Variants in SLC5A1 observed in about 807,000 individuals in gnomAD.
The protein encoded by SLC5A1 is solute carrier family 5 member 1, also known as sodium/glucose cotransporter 1.
SLC5A1 carries 42 observed loss-of-function variants against 73.5 expected under a neutral mutation model. The observed-to-expected ratio is 0.57, with a 90% CI of 0.45 to 0.74. The LOEUF is 0.74. Among genes scored for constraint, SLC5A1 ranks in the 30% least tolerant of loss-of-function variants. SLC5A1 has a pLI of 0.00. For missense variants in SLC5A1, 634 were observed against 855.4 expected (o/e 0.74, Z 3.23); for synonymous variants, 300 against 317.4 (o/e 0.95, Z 0.58).
At chr22:32,076,091 G>C (rs1029964002) in intron 5 of SLC5A1, among the ~76,000 whole-genome samples, 1 of 152,170 alleles carries the variant, frequency 6.6e-6, no homozygotes, top group Non-Finnish European at 1.5e-5. Context: ...TCCAGAGAGC[G>C]AACAACCAGG....
At chr22:32,107,944 C>T (rs183756927) in intron 14 of SLC5A1, among the ~76,000 whole-genome samples, 62 of 152,166 alleles carry the variant, frequency 4.1e-4, no homozygotes, top group Non-Finnish European at 5.0e-4. Flanking sequence ...CCACCATCAT[C>T]GATAATGATA....
intron 11 of SLC5A1, among the ~76,000 whole-genome samples, chr22:32,092,101 C>T (rs555811809): frequency 6.6e-6 from 1 of 152,250 alleles, no homozygotes; most frequent in South Asian, 2.1e-4. Flanking sequence ...GCCCCCCTCC[C>T]ACCCGTTTCC....
chr22:32,085,923 C>T lies in SLC5A1; in HGVS notation c.1022-297C>T, dbSNP rs892074042. 3.3e-5 allele frequency among the ~76,000 whole-genome samples: 5 copies of T among 152,054 alleles called. 1 individual carries two copies. Among genetic ancestry groups the T allele is most frequent in the Non-Finnish European group, 7.4e-5 (5 of 68,006 alleles). On this transcript the variant is annotated intron_variant, in intron 9 of 14. Transcript: ENST00000266088. Reference sequence around the variant, plus strand: ...TTGGGAGGCTGAGGCGGGTGGATCACGAGGTCAGGAGATCGAGACCATCCT... The same window carrying T: ...TTGGGAGGCTGAGGCGGGTGGATCATGAGGTCAGGAGATCGAGACCATCCT...
At chr22:32,049,132 CATT>C (rs1427121220) in intron 1 of SLC5A1, among the ~76,000 whole-genome samples, 3 of 138,806 alleles carry the variant, frequency 2.2e-5, no homozygotes, top group East Asian at 4.1e-4. Flanking sequence ...TATATATAAT[CATT>C]ATATATATAT....
rs116427127 is a variant in SLC5A1, at chr22:32,104,505, G to A, written c.1666-281G>A. On this transcript the variant is annotated intron_variant, in intron 13 of 14. Coordinates refer to ENST00000266088, the MANE Select transcript of SLC5A1 (RefSeq NM_000343.4). ...AACAAATTATTTATCACACACACAC[G>A]TAAAAGAGTTCATTCAACAAACATT... is the stretch of plus-strand genomic sequence containing the variant. 3.5e-3 allele frequency among the ~76,000 whole-genome samples: 527 copies of A among 152,268 alleles called. 2 individuals carry two copies. The highest frequency in any genetic ancestry group is 0.012 in the African/African-American group (493 of 41,558).
intron 14 of SLC5A1, among the ~76,000 whole-genome samples, chr22:32,108,031 G>A (rs190270115): frequency 1.9e-4 from 29 of 152,104 alleles, no homozygotes; most frequent in Non-Finnish European, 2.8e-4. Flanking sequence ...GGCAGATAAC[G>A]CAAGTACAAT....
At chr22:32,047,116 A>G (rs1053379870) in intron 1 of SLC5A1, among the ~76,000 whole-genome samples, 4 of 152,172 alleles carry the variant, frequency 2.6e-5, no homozygotes, top group African/African-American at 9.7e-5. Flanking sequence ...AGGAGGCTGT[A>G]GGGAAGGAGG....
intron 6 of SLC5A1, 46 bp from the exon 7 acceptor site, chr22:32,083,023 ACAGGT>A: frequency 6.5e-7 from 1 of 1,533,134 alleles, no homozygotes; most frequent in Non-Finnish European, 9.0e-7. Flanking sequence ...AAGCAAGTAG[ACAGGT>A]CACCCTCCAC....
chr22:32,078,730 G>C (rs561531288), intron 5 of SLC5A1, among the ~76,000 whole-genome samples: 4 of 152,028 alleles, frequency 2.6e-5, no homozygotes, highest in Non-Finnish European at 5.9e-5. Context: ...TGAGGTGGGT[G>C]GATCACAAGA....
chr22:32,063,985 G>A (rs2093968027), intron 2 of SLC5A1, among the ~76,000 whole-genome samples: 1 of 152,212 alleles, frequency 6.6e-6, no homozygotes, highest in African/African-American at 2.4e-5. Flanking sequence ...CTTCAGGACA[G>A]CCTGACATTG....
chr22:32,104,764 A>T, intron 13 of SLC5A1, 22 bp from the exon 14 acceptor site: 2 of 1,599,976 alleles, frequency 1.3e-6, no homozygotes, highest in South Asian at 2.2e-5. Flanking sequence ...CTTTCTGTTG[A>T]CCTGTTCTGC....
intron 12 of SLC5A1, 119 bp downstream of exon 12, chr22:32,099,470 TG>T: frequency 9.7e-7 from 1 of 1,026,664 alleles, no homozygotes; most frequent in South Asian, 1.3e-5. Context: ...GACACGGATG[TG>T]CTGCTGAGGG....
At chr22:32,099,500 A>G in intron 12 of SLC5A1, 149 bp downstream of exon 12, 1 of 812,330 alleles carries the variant, frequency 1.2e-6, no homozygotes, top group Non-Finnish European at 2.1e-6. Context: ...GAAAGCCTCC[A>G]GGGACCATGG....
intron 5 of SLC5A1, among the ~76,000 whole-genome samples, chr22:32,071,463 A>G (rs946888002): frequency 2.6e-5 from 4 of 152,062 alleles, no homozygotes; most frequent in Admixed American, 6.5e-5. Context: ...ATAAATAAAT[A>G]AATGAATGAA....
intron 1 of SLC5A1, among the ~76,000 whole-genome samples, chr22:32,049,234 T>TCTATATATA (rs2093942028): frequency 7.1e-6 from 1 of 140,488 alleles, no homozygotes; most frequent in East Asian, 2.1e-4. Context: ...TCTATATATA[T>TCTATATATA]GATGATTCCA....
Position 32,043,712 on chromosome 22 carries a change from G to T in SLC5A1, c.135+296G>T, listed in dbSNP as rs2093933371. Among the ~76,000 whole-genome samples the T allele has an allele frequency of 6.6e-6, 1 of 152,174 alleles. No homozygotes were observed. Among genetic ancestry groups the T allele is most frequent in the Non-Finnish European group, 1.5e-5 (1 of 68,028 alleles). ...AAGAGACCGCTGGAAAGTGTAAGGGGCAGGAAAGCGGCTGCTTAGAGCTAC... is the reference window on the plus strand; with the variant it reads ...AAGAGACCGCTGGAAAGTGTAAGGGTCAGGAAAGCGGCTGCTTAGAGCTAC... On this transcript the variant is annotated intron_variant, in intron 1 of 14. Transcript: ENST00000266088. This position sits in a 1 kb window ranked among gnomAD's most constrained non-coding sequence, Gnocchi z 6.5.
At chr22:32,109,961 T>C (rs202205514) in intron 14 of SLC5A1, 29 bp from the exon 15 acceptor site, 35 of 1,589,180 alleles carry the variant, frequency 2.2e-5, no homozygotes, top group African/African-American at 4.0e-5. Flanking sequence ...TGCTTCTGTG[T>C]CCAATAATTC....
chr22:32,052,330 TC>T (rs2149483888), intron 2 of SLC5A1, among the ~76,000 whole-genome samples: 1 of 152,308 alleles, frequency 6.6e-6, no homozygotes, highest in East Asian at 1.9e-4. Flanking sequence ...ACTTTTCAAG[TC>T]CTCTTGGGTA....
At chr22:32,066,709 C>T (rs1569304394) in intron 2 of SLC5A1, among the ~76,000 whole-genome samples, 1 of 152,230 alleles carries the variant, frequency 6.6e-6, no homozygotes. Context: ...GGATACATCC[C>T]ACTGCTCCTT....
Sources: allele counts gnomAD v4.1 joint callset (sites outside exome capture counted in the v4.1 genomes callset), GRCh38; gene constraint gnomAD v4.1.1; non-coding constraint Gnocchi (gnomAD v3.1); transcripts MANE v1.5; gene names NCBI Gene and HGNC (gene_info 2026-07-23, HGNC 2026-07-21).